GNB4: variants seen among roughly 807,000 people sequenced by gnomAD.
The protein encoded by GNB4 is guanine nucleotide-binding protein subunit beta-4.
In GNB4, 28 loss-of-function variants were observed where a neutral mutation model predicts 45.2. That is an observed-to-expected ratio of 0.62 (90% CI 0.46 to 0.85). GNB4 has a LOEUF of 0.85. Among genes scored for constraint, GNB4 ranks in the 40% least tolerant of loss-of-function variants. The probability of loss-of-function intolerance (pLI) is 0.00; values close to 1 mark genes in which losing one functional copy is unlikely to be tolerated. For missense variants in GNB4, 321 were observed against 425.4 expected, an observed-to-expected ratio of 0.75 and a Z score of 2.16; for synonymous variants, 132 against 143.7, an observed-to-expected ratio of 0.92 and a Z score of 0.58.
rs141452136 is a variant in GNB4 at position 179,396,619 on chromosome 3, C to T, written c.*4594G>A. On this transcript the variant is annotated 3_prime_UTR_variant, in exon 10 of 10. Transcript: ENST00000232564. The stretch of plus-strand genomic sequence containing the variant: ...AGTTGGAATATAGCTTTTTCCCCCC[C>T]GTAATGCTGCTTTATCACAACTGTA... 17 of 152,214 alleles carry T rather than the reference C, an allele frequency of 1.1e-4. No individual in the cohort carries two copies. The highest frequency in any genetic ancestry group is 2.9e-4 in the African/African-American group (12 of 41,548). 9.4% of individuals were successfully genotyped at this position (152,214 alleles called of 1,614,324 possible).
chr3:179,468,031 T>TTTAAAAAAA, the GNB4 span, among the ~76,000 whole-genome samples: 15 of 67,274 alleles, frequency 2.2e-4, no homozygotes, highest in African/African-American at 8.5e-4. Flanking sequence ...ATTTTGTTGA[T>TTTAAAAAAA]AAAAATATAT....
chr3:179,447,286 G>A (rs944764237), intron 1 of GNB4, among the ~76,000 whole-genome samples: 1 of 149,332 alleles, frequency 6.7e-6, no homozygotes, highest in Non-Finnish European at 1.5e-5. Context: ...AGGGCAGAGA[G>A]CAGCAGATGA....
chr3:179,521,620 T>G, the GNB4 span, among the ~76,000 whole-genome samples: 2 of 152,332 alleles, frequency 1.3e-5, no homozygotes, highest in Admixed American at 1.3e-4. Flanking sequence ...CTCCAAGCCA[T>G]CACAGCTGAT....
chr3:179,473,581 A>G, the GNB4 span, among the ~76,000 whole-genome samples: 2 of 152,128 alleles, frequency 1.3e-5, no homozygotes, highest in African/African-American at 2.4e-5. Context: ...GATTACAGGA[A>G]TGAGCTACCA....
the GNB4 span, among the ~76,000 whole-genome samples, chr3:179,463,946 C>T: frequency 2.0e-3 from 297 of 152,280 alleles, no homozygotes; most frequent in Admixed American, 2.8e-3. Flanking sequence ...GTATTATATA[C>T]TTAATATTTG....
the GNB4 span, chr3:179,464,625 G>A: frequency 8.2e-7 from 1 of 1,217,500 alleles, no homozygotes; most frequent in Non-Finnish European, 1.2e-6. Flanking sequence ...GGCAGCTGCA[G>A]ATGTGGGAAT....
At chr3:179,501,329 A>G in the GNB4 span, among the ~76,000 whole-genome samples, 5 of 145,006 alleles carry the variant, frequency 3.4e-5, no homozygotes, top group South Asian at 1.1e-3. Flanking sequence ...GACAGTCTCT[A>G]ACTCTGTCAC....
At chr3:179,454,460 T>C (rs1263228140), upstream of GNB4, among the ~76,000 whole-genome samples, 4 of 152,206 alleles carry the variant, frequency 2.6e-5, no homozygotes, top group Non-Finnish European at 5.9e-5. Context: ...TCATTGCTTT[T>C]CTAGGAGTTT....
At chr3:179,417,865 G>A (rs530761499) in intron 4 of GNB4, among the ~76,000 whole-genome samples, 2 of 152,184 alleles carry the variant, frequency 1.3e-5, no homozygotes, top group African/African-American at 4.8e-5. Context: ...TTTACAAAAG[G>A]GAAGATCTAT....
At chr3:179,462,049 A>G in the GNB4 span, among the ~76,000 whole-genome samples, 1 of 152,228 alleles carries the variant, frequency 6.6e-6, no homozygotes, top group East Asian at 1.9e-4. Context: ...ATAGCCTTCT[A>G]TAATCTGGCC....
At chr3:179,502,551 T>C in the GNB4 span, among the ~76,000 whole-genome samples, 1 of 152,274 alleles carries the variant, frequency 6.6e-6, no homozygotes, top group Non-Finnish European at 1.5e-5. Context: ...GCTACTTTTA[T>C]GTTTTGGTTG....
At chr3:179,424,831 A>T (rs1284670391) in intron 2 of GNB4, among the ~76,000 whole-genome samples, 3 of 152,012 alleles carry the variant, frequency 2.0e-5, no homozygotes, top group Non-Finnish European at 4.4e-5. Flanking sequence ...CTGGTCTTGA[A>T]TTCCTGTCTC....
At chr3:179,438,128 G>C (rs1477904980) in intron 1 of GNB4, among the ~76,000 whole-genome samples, 1 of 152,112 alleles carries the variant, frequency 6.6e-6, no homozygotes, top group East Asian at 1.9e-4. Context: ...TACCAACTAG[G>C]AGTTAGCCAA....
At chr3:179,519,438 C>T in the GNB4 span, among the ~76,000 whole-genome samples, 8 of 152,270 alleles carry the variant, frequency 5.3e-5, no homozygotes, top group East Asian at 3.9e-4. Context: ...TTAATCAATA[C>T]AGAGGCTACC....
chr3:179,449,515 G>A (rs1192913197), intron 1 of GNB4, among the ~76,000 whole-genome samples: 1 of 152,190 alleles, frequency 6.6e-6, no homozygotes, highest in Non-Finnish European at 1.5e-5. Flanking sequence ...TCAGGGGAAA[G>A]AACATGGACT....
At chr3:179,466,017 T>G in the GNB4 span, among the ~76,000 whole-genome samples, 44 of 148,974 alleles carry the variant, frequency 3.0e-4, no homozygotes, top group South Asian at 6.7e-3. Context: ...GTTTTTTTTT[T>G]TTTTTTTTTT....
chr3:179,484,834 A>ATGTGTGTGTGTG, the GNB4 span, among the ~76,000 whole-genome samples: 15 of 82,086 alleles, frequency 1.8e-4, no homozygotes, highest in African/African-American at 7.0e-4. Context: ...ATAGCTATAT[A>ATGTGTGTGTGTG]TATGTGTGTG....
At chr3:179,421,113 T>C (rs1167012806) in intron 2 of GNB4, among the ~76,000 whole-genome samples, 186 bp from the exon 3 acceptor site, 1 of 152,180 alleles carries the variant, frequency 6.6e-6, no homozygotes, top group African/African-American at 2.4e-5. Context: ...AGGCATGTAA[T>C]CCAGTAGTTT....
chr3:179,416,449 A>C, intron 5 of GNB4, 44 bp downstream of exon 5: 1 of 1,199,854 alleles, frequency 8.3e-7, no homozygotes, highest in Non-Finnish European at 1.2e-6. Context: ...GTGAACAGCC[A>C]AACAAATATA....
Sources: gnomAD v4.1 joint callset for allele counts (sites outside exome capture counted in the v4.1 genomes callset) on GRCh38, gnomAD v4.1.1 for gene constraint, MANE v1.5 for transcripts, NCBI Gene and HGNC (gene_info 2026-07-23, HGNC 2026-07-21) for gene names.